KIAA1549: variants seen among roughly 807,000 people sequenced by gnomAD.
KIAA1549 encodes the protein KIAA1549, also known as UPF0606 protein KIAA1549.
In KIAA1549, 70 loss-of-function variants were observed where a neutral mutation model predicts 156.4. That is an observed-to-expected ratio of 0.45 (90% CI 0.37 to 0.55). KIAA1549 has a LOEUF of 0.55. KIAA1549 is among the 20% of genes least tolerant of loss of function. The pLI is 0.00. For missense variants in KIAA1549, 2,428 were observed against 2,540.9 expected, an observed-to-expected ratio of 0.96 and a Z score of 0.96; for synonymous variants, 1,103 against 1,066.4, an observed-to-expected ratio of 1.03 and a Z score of -0.67.
rs921525521 is a variant in KIAA1549 at position 138,837,127 on chromosome 7, C to T, written c.*779G>A. On this transcript the variant is annotated 3_prime_UTR_variant, in exon 20 of 20. Transcript: ENST00000422774. ...GAAGAATGTAGATCTAAACTTTGAT[C>T]TGTATTTTGGATAATCAAATAAATA... is the stretch of plus-strand genomic sequence containing the variant. 22 of 226,920 alleles carry T rather than the reference C, an allele frequency of 9.7e-5. No individual in the cohort carries two copies. The highest frequency in any genetic ancestry group is 4.9e-4 in the African/African-American group (22 of 45,074). 14.1% of individuals were successfully genotyped at this position (226,920 alleles called of 1,614,324 possible).
chr7:138,918,983 T>A lies in KIAA1549; in HGVS notation c.643A>T (p.Thr215Ser). The A allele has an allele frequency of 6.2e-7, 1 of 1,614,034 alleles. No homozygotes were observed. Among genetic ancestry groups the A allele is most frequent in the Non-Finnish European group, 8.5e-7 (1 of 1,179,896 alleles). The stretch of plus-strand genomic sequence containing the variant: ...GCATATGCCGCTGGTTGTCGCGTTG[T>A]GTTCTGCCAGCCCGATGTCACTTCT... ...DEEVTSGWQN[T>S]TRQPAAYAES... Residue 215 changes from threonine (T) to serine (S), a missense_variant, in exon 2 of 20, where the codon ACA (threonine) becomes TCA (serine). By Grantham distance (58) the Thr-to-Ser change is moderately conservative. This residue lies in a region of KIAA1549 where 893 missense variants were observed against 847.9 expected (regional missense o/e 1.05). Transcript: ENST00000422774. The surrounding 1 kb of genome is among the most constrained non-coding windows in gnomAD (Gnocchi z 4.2).
chr7:138,905,059 G>A lies in KIAA1549; in HGVS notation c.3483C>T (p.Asn1161=). 1 of 1,577,274 alleles carries A rather than the reference G, an allele frequency of 6.3e-7. No individual in the cohort carries two copies. The highest frequency in any genetic ancestry group is 8.6e-7 in the Non-Finnish European group (1 of 1,159,994). ...IAEPFQYPQL[N]LSQLLKSSWV... is the part of the protein sequence containing the mutation. ...AAGAGGACTTCAGCAACTGAGATAA[G>A]TTGAGCTGTGGATACTGGAAGGCTA... The change falls in exon 7 of 20, where the codon AAC becomes AAT. Residue 1161 remains asparagine (N), a synonymous_variant. Coordinates refer to ENST00000422774, the MANE Select transcript of KIAA1549 (RefSeq NM_001164665.2).
Position 138,909,039 on chromosome 7 carries a change from G to A in KIAA1549, c.3228C>T (p.Leu1076=). 2.5e-6 allele frequency: 4 copies of A among 1,614,058 alleles called. No homozygotes were observed. Among genetic ancestry groups the A allele is most frequent in the Middle Eastern group, 1.6e-4 (1 of 6,062 alleles). ...CCTGGTGGTGTTTTCTCACTTCAAA[G>A]AGAGCTGTCATTAGGCCTTTCTCAA... ...QRIEKGLMTA[L]FEVRKHHQGT... Residue 1076 remains leucine, a synonymous_variant, in exon 5 of 20, where the codon CTC becomes CTT. Coordinates refer to ENST00000422774, the MANE Select transcript of KIAA1549 (RefSeq NM_001164665.2).
At chr7:138,884,958 G>A (rs1482422076) in intron 10 of KIAA1549, among the ~76,000 whole-genome samples, 1 of 152,256 alleles carries the variant, frequency 6.6e-6, no homozygotes, top group Non-Finnish European at 1.5e-5. Context: ...CACTTTGGGA[G>A]GCTGAGCCGG....
At chr7:138,845,674 C>T (rs1245267133) in intron 17 of KIAA1549, among the ~76,000 whole-genome samples, 1 of 152,098 alleles carries the variant, frequency 6.6e-6, no homozygotes, top group East Asian at 1.9e-4. Flanking sequence ...TCTCATTTTG[C>T]AGTATCGAAA....
At chr7:138,964,539 A>G (rs1405504672) in intron 1 of KIAA1549, among the ~76,000 whole-genome samples, 1 of 152,194 alleles carries the variant, frequency 6.6e-6, no homozygotes, top group Non-Finnish European at 1.5e-5. Flanking sequence ...CATGCACTCT[A>G]TAATTGTTGG....
chr7:138,976,460 CGGA>C, intron 1 of KIAA1549, among the ~76,000 whole-genome samples: 1 of 152,272 alleles, frequency 6.6e-6, no homozygotes, highest in Middle Eastern at 3.4e-3. Context: ...TTTCGGATAC[CGGA>C]GGACAACTGC....
intron 16 of KIAA1549, among the ~76,000 whole-genome samples, chr7:138,853,172 G>A (rs892306160): frequency 2.0e-5 from 3 of 152,210 alleles, no homozygotes; most frequent in Non-Finnish European, 4.4e-5. Flanking sequence ...CAGTCAGTTG[G>A]AACCAATGGT....
chr7:138,959,994 C>T (rs940914960), intron 1 of KIAA1549, among the ~76,000 whole-genome samples: 2 of 152,206 alleles, frequency 1.3e-5, no homozygotes, highest in African/African-American at 4.8e-5. Context: ...CGAAAAATTA[C>T]TCCAAGATAG....
chr7:138,834,549 G>A lies in KIAA1549; in HGVS notation c.*3357C>T, dbSNP rs1809646423. On this transcript the variant is annotated 3_prime_UTR_variant, in exon 20 of 20. Transcript: ENST00000422774. Reference sequence around the variant, plus strand: ...ATCTTAGATTCTAAAATCTCAGAAGGCAAGGCTCATGTCTGCTGGGTTATT... The same window carrying A: ...ATCTTAGATTCTAAAATCTCAGAAGACAAGGCTCATGTCTGCTGGGTTATT... The A allele has an allele frequency of 4.4e-6, 1 of 229,838 alleles. No individual in the cohort carries two copies. Among genetic ancestry groups the A allele is most frequent in the South Asian group, 1.8e-4 (1 of 5,502 alleles). 14.2% of individuals were successfully genotyped at this position (229,838 alleles called of 1,614,324 possible). A position where few individuals can be genotyped will look rare whatever the true frequency, so the allele number is the denominator to read the frequency against.
At chr7:138,958,232 C>T (rs900684662) in intron 1 of KIAA1549, among the ~76,000 whole-genome samples, 2 of 137,274 alleles carry the variant, frequency 1.5e-5, no homozygotes, top group African/African-American at 6.5e-5. Flanking sequence ...CTGGCGCCCA[C>T]GCCCACCCCA....
At chr7:138,934,866 A>C (rs1812965040) in intron 1 of KIAA1549, among the ~76,000 whole-genome samples, 1 of 152,200 alleles carries the variant, frequency 6.6e-6, no homozygotes, top group African/African-American at 2.4e-5. Context: ...GGGCAGCTTC[A>C]GGTTTAGCTG....
rs752755058 is a variant in KIAA1549, at chr7:138,916,994, T to C, written c.2632A>G (p.Asn878Asp). ...GTTGTGCTCACTTCCGTGGAGGTGT[T>C]CAGTGGCACCTCTGTGGGTGTGAGT... ...PSLTPTEVPL[N>D]TSTEVSTTST... is the part of the protein sequence containing the mutation. Residue 878 changes from asparagine to aspartate, a missense_variant, in exon 2 of 20, where the codon AAC (asparagine) becomes GAC (aspartate). Physicochemically the swap from Asn to Asp is conservative, Grantham distance 23. This residue lies in a region of KIAA1549 where 762 missense variants were observed against 901.6 expected (regional missense o/e 0.85). Transcript: ENST00000422774. The C allele has an allele frequency of 3.1e-6, 5 of 1,600,064 alleles. No individual in the cohort carries two copies. In the African/African-American group the frequency reaches 4.0e-5, roughly 13 times the overall value.
chr7:138,888,159 A>G lies in KIAA1549; in HGVS notation c.4032+6183T>C, dbSNP rs148273978. On this transcript the variant is annotated intron_variant, in intron 10 of 19. Transcript: ENST00000422774. ...CGTGAGCTCACCATCCTCAGGAATG[A>G]AAGCCTGGCAGGCACCCTTGTCCAC... Among the ~76,000 whole-genome samples, 14 of 152,344 alleles carry G rather than the reference A, an allele frequency of 9.2e-5. No individual in the cohort carries two copies. The East Asian group carries it at 2.7e-3, about 29-fold the overall frequency.
chr7:138,909,102 C>A lies in KIAA1549; in HGVS notation c.3165G>T (p.Pro1055=), dbSNP rs778577778. The A allele has an allele frequency of 6.2e-7, 1 of 1,613,560 alleles. No individual in the cohort carries two copies. Among genetic ancestry groups the A allele is most frequent in the Non-Finnish European group, 8.5e-7 (1 of 1,179,668 alleles). ...QVQTVLQFVP[P]SVDTGFCNFT... is the part of the protein sequence containing the mutation. ...AGTTGCAGAAGCCAGTATCCACACT[C>A]GGAGGCACAAACTGAAGTACTGAAA... Residue 1055 remains proline, a synonymous_variant, in exon 5 of 20, where the codon CCG becomes CCT. Transcript: ENST00000422774.
rs1183223479 is a variant in KIAA1549, at chr7:138,881,690, A to G, written c.4033-106T>C. 5.3e-6 allele frequency: 5 copies of G among 937,940 alleles called. No individual in the cohort carries two copies. The Admixed American group carries it at 1.4e-4, about 26-fold the overall frequency. The allele number at this position is 937,940 out of a possible 1,614,324, so 58.1% of individuals were successfully genotyped here. A position where few individuals can be genotyped will look rare whatever the true frequency, so the allele number is the denominator to read the frequency against. On this transcript the variant is annotated intron_variant, in intron 10 of 19. Coordinates refer to ENST00000422774, the MANE Select transcript of KIAA1549 (RefSeq NM_001164665.2). ...CTGTGCTGGCAATTCCACAACTCCA[A>G]TCCAACAAGCATCGCTAGAACATGG...
chr7:138,964,765 G>A (rs1057178721), intron 1 of KIAA1549, among the ~76,000 whole-genome samples: 1 of 152,206 alleles, frequency 6.6e-6, no homozygotes, highest in Non-Finnish European at 1.5e-5. Flanking sequence ...TGGCACTCTG[G>A]TGCATTGCTA....
chr7:138,946,701 C>T (rs750936036), intron 1 of KIAA1549, among the ~76,000 whole-genome samples: 7 of 152,162 alleles, frequency 4.6e-5, no homozygotes, highest in Non-Finnish European at 8.8e-5. Context: ...ATCACTTGAA[C>T]TCTGGAGGCA....
At position 138,894,299 on chromosome 7, in the gene KIAA1549, A is replaced by G. The variant is rs901631858; in HGVS notation, c.4032+43T>C. The G allele has an allele frequency of 1.9e-6, 3 of 1,601,032 alleles. No homozygotes were observed. The African/African-American group carries it at 4.0e-5, about 21-fold the overall frequency. On this transcript the variant is annotated intron_variant, in intron 10 of 19. Transcript: ENST00000422774. ...CAAACTCATCCTATCCCTGCCCCAC[A>G]AAACTGCTTATAGGAACACTGGGGG...
Sources: gnomAD v4.1 joint callset for allele counts (sites outside exome capture counted in the v4.1 genomes callset) on GRCh38, gnomAD v4.1.1 for gene constraint, gnomAD v4.1.1 regional missense constraint, Gnocchi (gnomAD v3.1) non-coding constraint, MANE v1.5 for transcripts, NCBI Gene and HGNC (gene_info 2026-07-23, HGNC 2026-07-21) for gene names.